The following TRIM69 variants were observed in gnomAD, a reference collection of about 807,000 sequenced individuals.
TRIM69 encodes the protein tripartite motif containing 69.
In TRIM69, 29 loss-of-function variants were observed where a neutral mutation model predicts 37.7. The ratio of observed to expected loss-of-function variants is 0.77; its 90% CI spans 0.57 to 1.05. TRIM69 has a LOEUF of 1.05. Ranked by LOEUF, TRIM69 falls within the 50% of genes least tolerant of loss-of-function variation. The pLI, the probability that TRIM69 is intolerant of heterozygous loss-of-function variation, is 0.00. For synonymous variants in TRIM69, 209 were observed against 212.4 expected, an observed-to-expected ratio of 0.98 and a Z score of 0.14; for missense variants, 596 against 579.9, an observed-to-expected ratio of 1.03 and a Z score of -0.28.
rs759809433 is a variant in TRIM69, at chr15:44,758,604, A to G, written c.580-17A>G. 2 of 1,613,618 alleles carry G rather than the reference A, an allele frequency of 1.2e-6. No individual in the cohort carries two copies. Among genetic ancestry groups the G allele is most frequent in the South Asian group, 2.2e-5 (2 of 91,062 alleles). The stretch of plus-strand genomic sequence containing the variant: ...AGTCTCTGCAATAACCATGGTGATA[A>G]TCATGGAGGTTTCCAGGAAAACAAG... On this transcript the variant is annotated splice_polypyrimidine_tract_variant and intron_variant, in intron 3 of 6. Transcript: ENST00000329464.
chr15:44,759,289 G>A (rs1033101518), intron 4 of TRIM69, among the ~76,000 whole-genome samples: 1 of 152,220 alleles, frequency 6.6e-6, no homozygotes, highest in African/African-American at 2.4e-5. Flanking sequence ...TCAGCACTCA[G>A]AAGTTTAATT....
At position 44,767,463 on chromosome 15, in the gene TRIM69, C is replaced by T. The variant is rs1336864228; in HGVS notation, c.1194C>T (p.Ser398=). 1 of 1,614,144 alleles carries T rather than the reference C, an allele frequency of 6.2e-7. No individual in the cohort carries two copies. The highest frequency in any genetic ancestry group is 2.2e-5 in the East Asian group (1 of 44,890). ...TKWTVGVVRE[S]IIRKGSCPLT... is the part of the protein sequence containing the mutation. Reference sequence around the variant, plus strand: ...GGACAGTTGGAGTTGTCAGAGAATCCATCATTCGGAAGGGCAGCTGTCCTC... The same window carrying T: ...GGACAGTTGGAGTTGTCAGAGAATCTATCATTCGGAAGGGCAGCTGTCCTC... The change falls in exon 7 of 7, where the codon TCC becomes TCT. Residue 398 remains serine (S), a synonymous_variant. Transcript: ENST00000329464.
chr15:44,762,564 T>G (rs1480486608), intron 6 of TRIM69, among the ~76,000 whole-genome samples: 1 of 152,130 alleles, frequency 6.6e-6, no homozygotes, highest in Non-Finnish European at 1.5e-5. Flanking sequence ...TAGCCTTTTT[T>G]CACCTCACAC....
chr15:44,736,752 G>T, intron 1 of TRIM69, 42 bp downstream of exon 1: 1 of 1,604,044 alleles, frequency 6.2e-7, no homozygotes, highest in Non-Finnish European at 8.5e-7. Context: ...GGGCTTCTAG[G>T]AATAGTGTGG....
chr15:44,756,618 G>A, intron 3 of TRIM69, 155 bp downstream of exon 3: 5 of 558,564 alleles, frequency 9.0e-6, no homozygotes, highest in Admixed American at 5.9e-5. Context: ...GGGTGGAAAG[G>A]AATATGGTGG....
intron 2 of TRIM69, 57 bp downstream of exon 2, chr15:44,755,433 T>G: frequency 7.8e-7 from 1 of 1,277,384 alleles, no homozygotes; most frequent in East Asian, 2.3e-5. Flanking sequence ...AAATATTTCA[T>G]AGGGCTTCTT....
intron 1 of TRIM69, among the ~76,000 whole-genome samples, chr15:44,744,138 G>C (rs1461828093): frequency 1.3e-5 from 2 of 151,452 alleles, no homozygotes; most frequent in African/African-American, 4.9e-5. Flanking sequence ...AAAAAATGAT[G>C]AGTTCATGTC....
chr15:44,767,733 A>G lies in TRIM69; in HGVS notation c.1464A>G (p.Gly488=). The change falls in exon 7 of 7, where the codon GGA becomes GGG. Residue 488 remains glycine (G), a synonymous_variant. Coordinates refer to ENST00000329464, the MANE Select transcript of TRIM69 (RefSeq NM_182985.5). The stretch of plus-strand genomic sequence containing the variant: ...TCTGCCCCTGCCTTAATGATGGTGG[A>G]GAGAATAAAGAACCATTGCACATCT... The part of the protein sequence containing the change: ...PYFCPCLNDG[G]ENKEPLHILH... The G allele has an allele frequency of 6.2e-7, 1 of 1,613,634 alleles. No individual in the cohort carries two copies. The highest frequency in any genetic ancestry group is 8.5e-7 in the Non-Finnish European group (1 of 1,179,994).
chr15:44,737,590 G>C (rs559489580), intron 1 of TRIM69, among the ~76,000 whole-genome samples: 3 of 152,170 alleles, frequency 2.0e-5, no homozygotes, highest in Non-Finnish European at 4.4e-5. Context: ...GCAGAGGTTG[G>C]AAAGGAGTGA....
chr15:44,766,711 C>T (rs552778629), intron 6 of TRIM69, among the ~76,000 whole-genome samples: 20 of 151,332 alleles, frequency 1.3e-4, no homozygotes, highest in African/African-American at 4.6e-4. Context: ...TGATTTTTAC[C>T]CTAAATATAA....
intron 1 of TRIM69, among the ~76,000 whole-genome samples, chr15:44,748,747 A>C (rs2087459255): frequency 6.8e-6 from 1 of 146,274 alleles, no homozygotes; most frequent in African/African-American, 2.6e-5. Flanking sequence ...ACTCGCTTGA[A>C]CCTGGGAGGC....
intron 1 of TRIM69, among the ~76,000 whole-genome samples, chr15:44,743,002 G>A (rs1408715982): frequency 7.3e-5 from 11 of 151,632 alleles, no homozygotes; most frequent in African/African-American, 2.2e-4. Context: ...AGCCCGCATC[G>A]CCAAGTCAAT....
At position 44,736,634 on chromosome 15, in the gene TRIM69, C is replaced by T. The variant is rs747339702; in HGVS notation, c.-71C>T. 131 of 1,581,534 alleles carry T rather than the reference C, an allele frequency of 8.3e-5. No individual in the cohort carries two copies. Among genetic ancestry groups the T allele is most frequent in the Non-Finnish European group, 1.7e-5 (20 of 1,162,800 alleles). ...AACTAAAAGGTCCCTGACTCCCAGT[C>T]TGCAGCCATCCTGGGCCTGCTGAGC... On this transcript the variant is annotated 5_prime_UTR_variant, in exon 1 of 7. Coordinates refer to ENST00000329464, the MANE Select transcript of TRIM69 (RefSeq NM_182985.5).
chr15:44,761,414 A>C (rs972760097), intron 6 of TRIM69, among the ~76,000 whole-genome samples: 10 of 152,038 alleles, frequency 6.6e-5, no homozygotes, highest in Non-Finnish European at 1.5e-4. Flanking sequence ...AATTTAAACC[A>C]TTTTATTGAA....
chr15:44,755,780 G>T (rs1465322722), intron 2 of TRIM69, among the ~76,000 whole-genome samples: 4 of 152,164 alleles, frequency 2.6e-5, no homozygotes. Context: ...TAATTCTTAA[G>T]GGTTTAGAAT....
At chr15:44,739,445 C>T (rs543250732) in intron 1 of TRIM69, among the ~76,000 whole-genome samples, 157 of 152,324 alleles carry the variant, frequency 1.0e-3, no homozygotes, top group African/African-American at 2.8e-3. Flanking sequence ...ACTCGGGAAG[C>T]GCAAGGGGTC....
rs767409406 is a variant in TRIM69 at position 44,758,857 on chromosome 15, G to A, written c.813+3G>A. The A allele has an allele frequency of 3.1e-6, 5 of 1,609,448 alleles. No homozygotes were observed. The highest frequency in any genetic ancestry group is 4.5e-5 in the East Asian group (2 of 44,748). ...AGAACTCCTTCGACTTTCTCAAAGTGAGAATCCACACCAATATGATTATGG... is the reference window on the plus strand; with the variant it reads ...AGAACTCCTTCGACTTTCTCAAAGTAAGAATCCACACCAATATGATTATGG... On this transcript the variant is annotated splice_donor_region_variant and intron_variant, in intron 4 of 6. Transcript: ENST00000329464.
chr15:44,760,250 G>A (rs1308613508), intron 6 of TRIM69, among the ~76,000 whole-genome samples: 1 of 152,172 alleles, frequency 6.6e-6, no homozygotes, highest in Non-Finnish European at 1.5e-5. Context: ...GGTCTTTACA[G>A]TTTCTTTTGT....
At chr15:44,745,835 CAATT>C (rs1464510396) in intron 1 of TRIM69, among the ~76,000 whole-genome samples, 1 of 151,628 alleles carries the variant, frequency 6.6e-6, no homozygotes, top group Non-Finnish European at 1.5e-5. Flanking sequence ...GAAAATAGGT[CAATT>C]GAGATTATGC....
Sources: gnomAD v4.1 joint callset for allele counts (sites outside exome capture counted in the v4.1 genomes callset) on GRCh38, gnomAD v4.1.1 for gene constraint, MANE v1.5 for transcripts, NCBI Gene and HGNC (gene_info 2026-07-23, HGNC 2026-07-21) for gene names.